Variants in NOTCH1 observed in about 807,000 individuals in gnomAD.
NOTCH1 encodes notch receptor 1.
Under a neutral mutation model 254.8 loss-of-function variants are expected in NOTCH1, and 37 were observed. The observed-to-expected ratio is 0.15, with a 90% CI of 0.11 to 0.19. The LOEUF (loss-of-function observed/expected upper bound fraction) is 0.19. NOTCH1 is among the 10% of genes least tolerant of loss of function. The probability of loss-of-function intolerance (pLI) is 1.00; values close to 1 mark genes in which losing one functional copy is unlikely to be tolerated. For synonymous variants in NOTCH1, 1,731 were observed against 1,618.1 expected, an observed-to-expected ratio of 1.07 and a Z score of -1.68; for missense variants, 2,972 against 3,708.6, an observed-to-expected ratio of 0.80 and a Z score of 5.16.
At chr9:136,512,983 C>T (rs758363042) in intron 15 of NOTCH1, 38 bp downstream of exon 15, 7 of 502,668 alleles carry the variant, frequency 1.4e-5, no homozygotes, top group South Asian at 1.2e-4. Context: ...CCCACATAGG[C>T]CCCGCCCCCT....
intron 30 of NOTCH1, 56 bp from the exon 31 acceptor site, chr9:136,500,903 AG>A: frequency 2.0e-6 from 3 of 1,517,528 alleles, no homozygotes; most frequent in South Asian, 1.2e-5. Flanking sequence ...GCTGCAGCCC[AG>A]GGGGAGGGGG....
rs1843262478 is a variant in NOTCH1 at position 136,516,002 on chromosome 9, A to C, written c.1648T>G (p.Tyr550Asp). The C allele has an allele frequency of 6.2e-7, 1 of 1,611,258 alleles. No homozygotes were observed. Among genetic ancestry groups the C allele is most frequent in the Non-Finnish European group, 8.5e-7 (1 of 1,179,546 alleles). ...GCACCTTCCGTGCACACACAGGTGT[A>C]AGTGTTGGGTCCGTCCAGGCACTTG... ...GAKCLDGPNT[Y>D]TCVCTEGYTG... The change falls in exon 10 of 34, where the codon TAC becomes GAC. Residue 550 changes from tyrosine to aspartate, a missense_variant. Around this residue, in one of 8 missense-constraint regions of NOTCH1, gnomAD observed 128 missense variants for 193.8 expected, o/e 0.66. Coordinates refer to ENST00000651671, the MANE Select transcript of NOTCH1 (RefSeq NM_017617.5).
chr9:136,515,327 G>C lies in NOTCH1; in HGVS notation c.1977C>G (p.Ile659Met), dbSNP rs766577980. ...GCTCACAGGCACACTCGTAGCCATCGATCTTGTCCAGACAGGTGCCCGAGT... is the reference window on the plus strand; with the variant it reads ...GCTCACAGGCACACTCGTAGCCATCCATCTTGTCCAGACAGGTGCCCGAGT... ...PCDSGTCLDKIDGYECACEPG... is the reference protein window; with the variant it reads ...PCDSGTCLDKMDGYECACEPG... Residue 659 changes from isoleucine (I) to methionine (M), a missense_variant, in exon 12 of 34, where the codon ATC (isoleucine) becomes ATG (methionine). Around this residue, in one of 8 missense-constraint regions of NOTCH1, gnomAD observed 1,343 missense variants for 1,557.0 expected, o/e 0.86. Coordinates refer to ENST00000651671, the MANE Select transcript of NOTCH1 (RefSeq NM_017617.5). 1.2e-6 allele frequency: 2 copies of C among 1,613,028 alleles called. No homozygotes were observed. Among genetic ancestry groups the C allele is most frequent in the Non-Finnish European group, 1.7e-6 (2 of 1,180,004 alleles).
Position 136,511,067 on chromosome 9 carries a change from C to T in NOTCH1, c.2587+85G>A. 1.3e-6 allele frequency: 2 copies of T among 1,598,240 alleles called. 1 individual carries two copies. Among genetic ancestry groups the T allele is most frequent in the South Asian group, 2.2e-5 (2 of 90,580 alleles). On this transcript the variant is annotated intron_variant, in intron 16 of 33. Transcript: ENST00000651671. ...ACCCACCAGCTCCTCTTCAAAGACT[C>T]ATCTAGCCTGCCTGGGAGCTGCCTG...
chr9:136,510,543 ACT>A, intron 17 of NOTCH1, 108 bp downstream of exon 17: 2 of 1,429,194 alleles, frequency 1.4e-6, no homozygotes. Context: ...CCCCGGCCAC[ACT>A]CCGGCCTCCC....
Position 136,505,727 on chromosome 9 carries a change from G to A in NOTCH1, c.4169C>T (p.Pro1390Leu). 5 of 1,595,874 alleles carry A rather than the reference G, an allele frequency of 3.1e-6. No homozygotes were observed. The highest frequency in any genetic ancestry group is 1.1e-5 in the South Asian group (1 of 89,684). ...GTAGCAGGGGTTGCCGCCCAGGCAG[G>A]GGCTGCTGGCCGGGAACTGGCATTC... ...GPECQFPASS[P>L]CLGGNPCYNQ... is the part of the protein sequence containing the mutation. The change falls in exon 25 of 34, where the codon CCC becomes CTC. Residue 1390 changes from proline (P) to leucine (L), a missense_variant. By Grantham distance (98) the Pro-to-Leu change is moderately conservative (BLOSUM62 -3). Coordinates refer to ENST00000651671, the MANE Select transcript of NOTCH1 (RefSeq NM_017617.5).
At chr9:136,517,998 T>C (rs891265863) in intron 7 of NOTCH1, 61 bp from the exon 8 acceptor site, 2 of 1,591,636 alleles carry the variant, frequency 1.3e-6, no homozygotes, top group Non-Finnish European at 1.7e-6. Context: ...AACACCTCAC[T>C]GCACACCACC....
chr9:136,496,185 G>A lies in NOTCH1; in HGVS notation c.7554C>T (p.Asp2518=), dbSNP rs771410115. 15 of 1,610,502 alleles carry A rather than the reference G, an allele frequency of 9.3e-6. No individual in the cohort carries two copies. The highest frequency in any genetic ancestry group is 1.6e-4 in the Middle Eastern group (1 of 6,076). ...PFLTPSPESP[D]QWSSSSPHSN... is the part of the protein sequence containing the mutation. ...AATGCGGGGACGAGCTGGACCACTG[G>A]TCAGGGGACTCAGGGGACGGGGTGA... Residue 2518 remains aspartate (D), a synonymous_variant, in exon 34 of 34, where the codon GAC becomes GAT. Transcript: ENST00000651671.
intron 2 of NOTCH1, among the ~76,000 whole-genome samples, chr9:136,529,450 T>G (rs370803606): frequency 6.6e-6 from 1 of 152,156 alleles, no homozygotes; most frequent in African/African-American, 2.4e-5. Context: ...CACCGGCTGC[T>G]AAGAAATGAG....
intron 2 of NOTCH1, among the ~76,000 whole-genome samples, chr9:136,539,546 G>A (rs936831312): frequency 8.5e-5 from 13 of 152,158 alleles, no homozygotes; most frequent in African/African-American, 3.1e-4. Flanking sequence ...ACGCCACTGC[G>A]CCTGGGTAAT....
chr9:136,512,993 T>A, intron 15 of NOTCH1, 28 bp downstream of exon 15: 189 of 438,642 alleles, frequency 4.3e-4, no homozygotes, highest in Non-Finnish European at 7.5e-4. Flanking sequence ...CCCCGCCCCC[T>A]CCAGCACAGG....
chr9:136,518,373 T>C (rs1301357068), intron 6 of NOTCH1, 81 bp from the exon 7 acceptor site: 3 of 1,524,380 alleles, frequency 2.0e-6, no homozygotes, highest in African/African-American at 1.4e-5. Context: ...CCAACCCCAC[T>C]GACACCCCAG....
chr9:136,515,094 G>A (rs1446070423), intron 12 of NOTCH1, among the ~76,000 whole-genome samples, 196 bp downstream of exon 12: 2 of 152,218 alleles, frequency 1.3e-5, no homozygotes. Flanking sequence ...TCTGACCGGA[G>A]ACAAGAGGGG....
intron 15 of NOTCH1, among the ~76,000 whole-genome samples, chr9:136,512,154 G>A (rs951318286): frequency 7.2e-5 from 11 of 152,232 alleles, no homozygotes; most frequent in South Asian, 2.1e-4. Flanking sequence ...CGGCCCGATC[G>A]ACGTGTCTGA....
In NOTCH1 at chr9:136,540,969, C is replaced by G. The variant is rs1006233357; in HGVS notation, c.140+3055G>C. Among the ~76,000 whole-genome samples the G allele has an allele frequency of 2.0e-5, 3 of 152,186 alleles. No homozygotes were observed. In the East Asian group the frequency reaches 5.8e-4, roughly 29 times the overall value. Reference sequence around the variant, plus strand: ...AGGGTCCCTGCAGCTCTTCCCAGCTCTCCTCAAAACAAAGAGAAAAAAGGT... The same window carrying G: ...AGGGTCCCTGCAGCTCTTCCCAGCTGTCCTCAAAACAAAGAGAAAAAAGGT... On this transcript the variant is annotated intron_variant, in intron 2 of 33. Coordinates refer to ENST00000651671, the MANE Select transcript of NOTCH1 (RefSeq NM_017617.5). The surrounding 1 kb of genome is among the most constrained non-coding windows in gnomAD (Gnocchi z 4.4).
chr9:136,504,800 T>A lies in NOTCH1; in HGVS notation c.4891A>T (p.Ile1631Phe). The A allele has an allele frequency of 6.4e-7, 1 of 1,561,134 alleles. No homozygotes were observed. The highest frequency in any genetic ancestry group is 8.7e-7 in the Non-Finnish European group (1 of 1,152,962). ...GREEELRKHPIKRAAEGWAAP... is the reference protein window; with the variant it reads ...GREEELRKHPFKRAAEGWAAP... ...GCCCAGCCCTCGGCGGCACGCTTGA[T>A]GGGGTGCTTGCGCAGCTCCTCCTCG... is the stretch of plus-strand genomic sequence containing the variant. Residue 1631 changes from isoleucine to phenylalanine, a missense_variant, in exon 26 of 34, where the codon ATC becomes TTC. Transcript: ENST00000651671.
intron 3 of NOTCH1, 48 bp downstream of exon 3, chr9:136,523,666 TGGC>T: frequency 6.4e-7 from 1 of 1,559,944 alleles, no homozygotes; most frequent in Non-Finnish European, 8.7e-7. Context: ...CCTGGGCAGC[TGGC>T]GGCGGGCCTG....
rs549630973 is a variant in NOTCH1 at position 136,507,996 on chromosome 9, C to T, written c.3469G>A (p.Gly1157Arg). The part of the protein sequence containing the change: ...DECSPSPCQN[G>R]ATCTDYLGGY... ...CCCAGGTAGTCCGTGCAGGTGGCCC[C>T]GTTCTGGCAGGGGCTGGGTGAGCAC... The change falls in exon 21 of 34, where the codon GGG (glycine) becomes AGG (arginine). Residue 1157 changes from glycine to arginine, a missense_variant. Transcript: ENST00000651671. 8.1e-6 allele frequency: 13 copies of T among 1,612,732 alleles called. No individual in the cohort carries two copies. Among genetic ancestry groups the T allele is most frequent in the African/African-American group, 4.0e-5 (3 of 75,062 alleles).
At chr9:136,498,553 G>A (rs1466003222) in intron 33 of NOTCH1, among the ~76,000 whole-genome samples, 3 of 152,188 alleles carry the variant, frequency 2.0e-5, no homozygotes, top group Non-Finnish European at 4.4e-5. Context: ...AGAAGGTGAG[G>A]TCCAGGTGAC....
Sources: allele counts gnomAD v4.1 joint callset (sites outside exome capture counted in the v4.1 genomes callset), GRCh38; gene constraint gnomAD v4.1.1; regional missense constraint gnomAD v4.1.1; non-coding constraint Gnocchi (gnomAD v3.1); transcripts MANE v1.5; gene names NCBI Gene and HGNC (gene_info 2026-07-23, HGNC 2026-07-21).